Variants in PCDH15 observed in about 807,000 individuals in gnomAD.
PCDH15 encodes protocadherin-15.
A neutral mutation model predicts 178.5 loss-of-function variants in PCDH15; 129 were observed. That is an observed-to-expected ratio of 0.72 (90% CI 0.63 to 0.84). The LOEUF is 0.84. Among genes scored for constraint, PCDH15 ranks in the 40% least tolerant of loss-of-function variants. The pLI is 0.00. For missense variants in PCDH15, 2,230 were observed against 2,099.9 expected (o/e 1.06, Z -1.21); for synonymous variants, 800 against 732.0 (o/e 1.09, Z -1.50).
At chr10:54,424,457 CTCAGG>C (rs1955980025) in intron 3 of PCDH15, among the ~76,000 whole-genome samples, 1 of 151,830 alleles carries the variant, frequency 6.6e-6, no homozygotes, top group African/African-American at 2.4e-5. Flanking sequence ...GTGGCCATTC[CTCAGG>C]GATCTAGAAC....
At chr10:53,818,823 G>A (rs1197282179) in intron 33 of PCDH15, among the ~76,000 whole-genome samples, 3 of 151,868 alleles carry the variant, frequency 2.0e-5, no homozygotes, top group African/African-American at 4.8e-5. Context: ...ATTACAAAGA[G>A]GCACATATTA....
chr10:53,885,262 C>CT (rs1221661322), intron 26 of PCDH15, among the ~76,000 whole-genome samples: 2 of 151,968 alleles, frequency 1.3e-5, no homozygotes, highest in African/African-American at 2.4e-5. Context: ...TGCCTTTTCC[C>CT]TTTTTTCCTA....
intron 11 of PCDH15, among the ~76,000 whole-genome samples, chr10:54,194,654 A>ATCTATCTG (rs750476424): frequency 4.6e-5 from 3 of 65,432 alleles, no homozygotes; most frequent in Non-Finnish European, 1.0e-4. Flanking sequence ...ATATATCTCT[A>ATCTATCTG]TCTATCTATC....
At chr10:54,492,701 T>G (rs540053260) in intron 3 of PCDH15, among the ~76,000 whole-genome samples, 5 of 152,312 alleles carry the variant, frequency 3.3e-5, no homozygotes, top group African/African-American at 1.2e-4. Flanking sequence ...TAAGGTATTT[T>G]AAGAGACAGA....
chr10:54,881,258 A>C (rs1036649690), intron 3 of PCDH15, among the ~76,000 whole-genome samples: 2 of 152,064 alleles, frequency 1.3e-5, no homozygotes, highest in African/African-American at 4.8e-5. Flanking sequence ...GGAATTAAAG[A>C]GGAGTGACAG....
At chr10:54,016,258 A>G (rs2092736385) in intron 20 of PCDH15, among the ~76,000 whole-genome samples, 1 of 62,962 alleles carries the variant, frequency 1.6e-5, no homozygotes, top group South Asian at 3.5e-4. Flanking sequence ...TAAAAAGTAA[A>G]AAAGAAAAAA....
At chr10:54,230,400 A>G (rs939021688) in intron 9 of PCDH15, among the ~76,000 whole-genome samples, 11 of 152,180 alleles carry the variant, frequency 7.2e-5, no homozygotes, top group Non-Finnish European at 2.9e-5. Context: ...AGGAAACAGA[A>G]AAATATGGAC....
chr10:54,774,578 T>C (rs1949489088), intron 1 of PCDH15, among the ~76,000 whole-genome samples: 1 of 152,148 alleles, frequency 6.6e-6, no homozygotes, highest in African/African-American at 2.4e-5. Context: ...TATACATGCA[T>C]ATAAATTAAT....
chr10:55,442,457 A>ATATATATATATATTATATATATAT (rs1281954124), intron 2 of PCDH15, among the ~76,000 whole-genome samples: 6 of 67,612 alleles, frequency 8.9e-5, no homozygotes, highest in Non-Finnish European at 1.3e-4. Context: ...TAATTTGATT[A>ATATATATATATATTATATATATAT]TATATATATA....
chr10:53,928,498 A>C (rs951204139), intron 25 of PCDH15, among the ~76,000 whole-genome samples: 163 of 152,188 alleles, frequency 1.1e-3, no homozygotes, highest in African/African-American at 3.8e-3. Flanking sequence ...AATAATGAAG[A>C]ATTAATTCTG....
intron 2 of PCDH15, among the ~76,000 whole-genome samples, chr10:55,076,102 C>T (rs1051221225): frequency 6.6e-6 from 1 of 152,084 alleles, no homozygotes; most frequent in Non-Finnish European, 1.5e-5. Flanking sequence ...TGAGAAGACA[C>T]TTGACATGAT....
chr10:55,103,651 T>C (rs1041477516), intron 2 of PCDH15, among the ~76,000 whole-genome samples: 1 of 152,136 alleles, frequency 6.6e-6, no homozygotes, highest in African/African-American at 2.4e-5. Flanking sequence ...TTTCATGATA[T>C]TCTCTTTAAT....
intron 3 of PCDH15, among the ~76,000 whole-genome samples, chr10:54,434,156 G>C (rs192010493): frequency 6.6e-6 from 1 of 152,284 alleles, no homozygotes; most frequent in Admixed American, 6.5e-5. Context: ...TACAATGTGT[G>C]CCTTAAGCTA....
chr10:54,615,504 T>C (rs1182132762), intron 2 of PCDH15, among the ~76,000 whole-genome samples: 1 of 152,100 alleles, frequency 6.6e-6, no homozygotes, highest in Non-Finnish European at 1.5e-5. Context: ...CTAGTACTCA[T>C]AGTTTTTTAA....
intron 20 of PCDH15, among the ~76,000 whole-genome samples, chr10:53,997,676 A>T (rs1027340817): frequency 6.6e-6 from 1 of 152,138 alleles, no homozygotes; most frequent in East Asian, 1.9e-4. Flanking sequence ...AATATGATGA[A>T]CTTTTTATTT....
chr10:54,301,039 G>A (rs916988974), intron 8 of PCDH15, among the ~76,000 whole-genome samples: 3 of 152,156 alleles, frequency 2.0e-5, no homozygotes, highest in Non-Finnish European at 2.9e-5. Context: ...CTTCACTCCT[G>A]AAGTCAGCGA....
intron 2 of PCDH15, among the ~76,000 whole-genome samples, chr10:55,429,126 A>G (rs1267406005): frequency 6.6e-6 from 1 of 152,056 alleles, no homozygotes; most frequent in Non-Finnish European, 1.5e-5. Flanking sequence ...GCATTTTTAT[A>G]ATGTGAAAAA....
chr10:54,753,117 G>T (rs888780748), intron 1 of PCDH15, among the ~76,000 whole-genome samples: 18 of 152,050 alleles, frequency 1.2e-4, no homozygotes, highest in African/African-American at 3.4e-4. Context: ...GCACATCCAT[G>T]GTATATATTA....
chr10:54,763,202 GA>G (rs1343727609), intron 1 of PCDH15, among the ~76,000 whole-genome samples: 1 of 152,056 alleles, frequency 6.6e-6, no homozygotes, highest in African/African-American at 2.4e-5. Flanking sequence ...TAATACCGGG[GA>G]AAAAGAAACG....
Sources: allele counts gnomAD v4.1 joint callset (sites outside exome capture counted in the v4.1 genomes callset), GRCh38; gene constraint gnomAD v4.1.1; transcripts MANE v1.5; gene names NCBI Gene and HGNC (gene_info 2026-07-23, HGNC 2026-07-21).